CCDC171: variants seen among roughly 807,000 people sequenced by gnomAD.
The protein encoded by CCDC171 is coiled-coil domain-containing protein 171.
CCDC171 carries 177 observed loss-of-function variants against 168.2 expected under a neutral mutation model. The observed-to-expected ratio is 1.05, with a 90% CI of 0.93 to 1.19. The LOEUF (loss-of-function observed/expected upper bound fraction) is 1.19. Ranked by LOEUF, CCDC171 falls within the 50% of genes most tolerant of loss-of-function variation. The pLI, the probability that CCDC171 is intolerant of heterozygous loss-of-function variation, is 0.00. For synonymous variants in CCDC171, 687 were observed against 540.8 expected, an observed-to-expected ratio of 1.27 and a Z score of -3.75; for missense variants, 1,991 against 1,539.0, an observed-to-expected ratio of 1.29 and a Z score of -4.91.
chr9:16,012,656 G>T (rs550971498), intron 3 of CCDC171, among the ~76,000 whole-genome samples: 2 of 149,156 alleles, frequency 1.3e-5, no homozygotes, highest in East Asian at 2.0e-4. Context: ...ATACAATTTT[G>T]TATCAGACTC....
At chr9:15,788,076 C>T (rs546955869) in intron 21 of CCDC171, among the ~76,000 whole-genome samples, 4 of 152,068 alleles carry the variant, frequency 2.6e-5, no homozygotes, top group Non-Finnish European at 4.4e-5. Flanking sequence ...ATATTGTTGT[C>T]AGGAATGGAG....
chr9:15,569,267 T>C (rs1040870998), intron 2 of CCDC171, among the ~76,000 whole-genome samples: 1 of 152,206 alleles, frequency 6.6e-6, no homozygotes, highest in African/African-American at 2.4e-5. Context: ...GGATATATCA[T>C]GGAGCCAGGG....
At position 15,818,996 on chromosome 9, in the gene CCDC171, C is replaced by T. The variant is rs1361271953; in HGVS notation, c.3268-27706C>T. Among the ~76,000 whole-genome samples the T allele has an allele frequency of 1.3e-4, 15 of 116,928 alleles. 5 individuals are homozygous for T. In the East Asian group the frequency reaches 1.9e-3, roughly 15 times the overall value. The allele number at this position is 116,928 out of a possible 152,430, so 76.7% of individuals were successfully genotyped here. A position where few individuals can be genotyped will look rare whatever the true frequency, so the allele number is the denominator to read the frequency against. ...CCCATCAGACTAACAGCGGATCTCT[C>T]GGCAGAAACTCTACAAGCCAGAAGA... On this transcript the variant is annotated intron_variant, in intron 21 of 25. Transcript: ENST00000380701.
intron 6 of CCDC171, among the ~76,000 whole-genome samples, chr9:16,031,403 T>C (rs1016633560): frequency 2.0e-5 from 3 of 152,192 alleles, no homozygotes; most frequent in Non-Finnish European, 1.5e-5. Context: ...TCTAACAACA[T>C]GTGGTAAGTT....
At chr9:15,985,278 C>G (rs1167322977) in intron 3 of CCDC171, among the ~76,000 whole-genome samples, 1 of 151,966 alleles carries the variant, frequency 6.6e-6, no homozygotes, top group South Asian at 2.1e-4. Context: ...ACCAATCATA[C>G]AAATTCCTTT....
At chr9:15,766,614 T>C (rs1169844814) in intron 18 of CCDC171, among the ~76,000 whole-genome samples, 1 of 151,916 alleles carries the variant, frequency 6.6e-6, no homozygotes, top group Non-Finnish European at 1.5e-5. Context: ...GGCCAACTCT[T>C]CCTGGCATTT....
At chr9:15,664,639 T>G (rs2048590630) in intron 8 of CCDC171, among the ~76,000 whole-genome samples, 1 of 150,530 alleles carries the variant, frequency 6.6e-6, no homozygotes, top group African/African-American at 2.5e-5. Context: ...AATTATTTTG[T>G]TGGAATCTCT....
intron 3 of CCDC171, among the ~76,000 whole-genome samples, chr9:16,007,993 A>G (rs1380695615): frequency 2.6e-5 from 4 of 152,180 alleles, no homozygotes; most frequent in Admixed American, 2.6e-4. Context: ...ACCCTTATAT[A>G]TATGATTTGC....
chr9:15,948,869 T>C (rs1294875053), intron 25 of CCDC171, among the ~76,000 whole-genome samples: 2 of 151,936 alleles, frequency 1.3e-5, no homozygotes. Flanking sequence ...GCCATTGCTT[T>C]TGGTGTTTTA....
At chr9:15,774,283 C>T (rs1043595580) in intron 18 of CCDC171, among the ~76,000 whole-genome samples, 1 of 97,838 alleles carries the variant, frequency 1.0e-5, no homozygotes, top group African/African-American at 3.8e-5. Context: ...AAAAAGTCAT[C>T]AGAAAGTAGG....
Position 15,971,773 on chromosome 9 carries a change from A to G in CCDC171, c.3918A>G (p.Ser1306=). The G allele has an allele frequency of 1.2e-6, 2 of 1,614,008 alleles. No homozygotes were observed. Among genetic ancestry groups the G allele is most frequent in the Non-Finnish European group, 1.7e-6 (2 of 1,179,916 alleles). Residue 1306 remains serine, a synonymous_variant, in exon 26 of 26, where the codon TCA becomes TCG. Transcript: ENST00000380701. ...ATACTGTGCCCCATGCTCTGACATC[A>G]TCTCACTCCTCTCCAGTGACTATGT... ...FINTVPHALT[S]SHSSPVTMSA... is the part of the protein sequence containing the mutation.
intron 8 of CCDC171, among the ~76,000 whole-genome samples, chr9:15,662,613 T>G (rs944359687): frequency 6.6e-6 from 1 of 152,150 alleles, no homozygotes; most frequent in Non-Finnish European, 1.5e-5. Context: ...TGTAGTTTCA[T>G]TATTGTATGT....
chr9:16,039,143 A>G (rs563460349), upstream of CCDC171, among the ~76,000 whole-genome samples: 2 of 152,294 alleles, frequency 1.3e-5, no homozygotes, highest in African/African-American at 4.8e-5. Flanking sequence ...GAGTTGTCCA[A>G]ATAGTGCTTC....
intron 21 of CCDC171, among the ~76,000 whole-genome samples, chr9:15,835,869 C>T (rs1366944048): frequency 6.6e-6 from 1 of 152,030 alleles, no homozygotes; most frequent in African/African-American, 2.4e-5. Context: ...TATATACATG[C>T]ATATTAGTAA....
At chr9:15,959,663 A>T (rs1830154503) in intron 25 of CCDC171, among the ~76,000 whole-genome samples, 1 of 152,058 alleles carries the variant, frequency 6.6e-6, no homozygotes, top group South Asian at 2.1e-4. Context: ...CATTGTGCGG[A>T]CTCTAGAGAG....
intron 18 of CCDC171, among the ~76,000 whole-genome samples, chr9:15,752,909 G>A (rs193227856): frequency 5.9e-5 from 9 of 152,106 alleles, no homozygotes; most frequent in Admixed American, 2.0e-4. Flanking sequence ...AGAAAAAGGT[G>A]ATTTATGTTA....
At chr9:15,969,575 A>G (rs550680448) in intron 25 of CCDC171, among the ~76,000 whole-genome samples, 18 of 152,328 alleles carry the variant, frequency 1.2e-4, no homozygotes, top group African/African-American at 3.6e-4. Context: ...TTTTCCATAC[A>G]TAGTTTTCTT....
intron 25 of CCDC171, among the ~76,000 whole-genome samples, chr9:15,952,137 T>A (rs1829259904): frequency 6.6e-6 from 1 of 152,164 alleles, no homozygotes; most frequent in African/African-American, 2.4e-5. Context: ...TGAAAAGACG[T>A]ATTTTTTCCC....
intron 3 of CCDC171, among the ~76,000 whole-genome samples, chr9:15,998,874 A>T (rs922595821): frequency 6.6e-6 from 1 of 152,228 alleles, no homozygotes; most frequent in African/African-American, 2.4e-5. Context: ...CTCTTCCTCT[A>T]TCAGAACAGG....
Sources: gnomAD v4.1 joint callset for allele counts (sites outside exome capture counted in the v4.1 genomes callset) on GRCh38, gnomAD v4.1.1 for gene constraint, MANE v1.5 for transcripts, NCBI Gene and HGNC (gene_info 2026-07-23, HGNC 2026-07-21) for gene names.